The following IQGAP1 variants were observed in gnomAD, a reference collection of about 807,000 sequenced individuals.
The protein encoded by IQGAP1 is ras GTPase-activating-like protein IQGAP1.
A neutral mutation model predicts 215.6 loss-of-function variants in IQGAP1; 66 were observed. The ratio of observed to expected loss-of-function variants is 0.31; its 90% confidence interval spans 0.25 to 0.38. The LOEUF (loss-of-function observed/expected upper bound fraction) is 0.38, where lower values mean the gene tolerates loss of function less well. Ranked by LOEUF, IQGAP1 falls within the 10% of genes least tolerant of loss-of-function variation. IQGAP1 has a pLI of 1.00. For synonymous variants in IQGAP1, 772 were observed against 728.7 expected (o/e 1.06, Z -0.96); for missense variants, 1,712 against 1,997.1 (o/e 0.86, Z 2.72).
chr15:90,394,994 G>T (rs1345332604), intron 2 of IQGAP1, among the ~76,000 whole-genome samples: 1 of 152,142 alleles, frequency 6.6e-6, no homozygotes, highest in Non-Finnish European at 1.5e-5. Context: ...AGTTTTCTGT[G>T]GCTGTGGGTT....
intron 33 of IQGAP1, among the ~76,000 whole-genome samples, 190 bp downstream of exon 33, chr15:90,487,772 T>G (rs1179981323): frequency 1.3e-5 from 2 of 152,162 alleles, no homozygotes; most frequent in African/African-American, 2.4e-5. Flanking sequence ...GGTGATGTCC[T>G]TTGGACAGGA....
chr15:90,396,858 T>TC (rs1441967883), intron 2 of IQGAP1, among the ~76,000 whole-genome samples: 1 of 151,888 alleles, frequency 6.6e-6, no homozygotes, highest in Non-Finnish European at 1.5e-5. Context: ...AAAAAAAATT[T>TC]TTTTTTTTTT....
intron 2 of IQGAP1, among the ~76,000 whole-genome samples, chr15:90,411,194 G>C (rs1400669024): frequency 6.6e-6 from 1 of 152,170 alleles, no homozygotes; most frequent in African/African-American, 2.4e-5. Context: ...CCTCTCTCAT[G>C]TATCTTTATT....
intron 33 of IQGAP1, 124 bp downstream of exon 33, chr15:90,487,706 C>T (rs913731730): frequency 1.5e-6 from 1 of 668,566 alleles, no homozygotes; most frequent in Non-Finnish European, 2.6e-6. Flanking sequence ...ATGAATGTAA[C>T]TGGGGGACAG....
intron 33 of IQGAP1, among the ~76,000 whole-genome samples, chr15:90,489,727 T>C (rs139348069): frequency 5.9e-5 from 9 of 152,304 alleles, no homozygotes; most frequent in African/African-American, 2.2e-4. Flanking sequence ...ACTGATTAGA[T>C]ATGTGTGAAA....
At chr15:90,460,009 G>A (rs1721650800) in intron 15 of IQGAP1, among the ~76,000 whole-genome samples, 2 of 150,812 alleles carry the variant, frequency 1.3e-5, no homozygotes, top group Admixed American at 6.6e-5. Flanking sequence ...GTGGTCCGGA[G>A]TTTTTTGTGT....
rs1438338104 is a variant in IQGAP1 at position 90,487,010 on chromosome 15, G to A, written c.4081G>A (p.Val1361Met). Residue 1361 changes from valine (V) to methionine (M), a missense_variant, in exon 32 of 38, where the codon GTG (valine) becomes ATG (methionine). Coordinates refer to ENST00000268182, the MANE Select transcript of IQGAP1 (RefSeq NM_003870.4). ...PNKEALAKTE[V>M]SLTLTNKFDV... ...TAAGGAGGCACTGGCTAAGACGGAAGTGTCTCTCACCCTGACCAACAAGTT... is the reference window on the plus strand; with the variant it reads ...TAAGGAGGCACTGGCTAAGACGGAAATGTCTCTCACCCTGACCAACAAGTT... 5.0e-6 allele frequency: 8 copies of A among 1,614,008 alleles called. No homozygotes were observed. The highest frequency in any genetic ancestry group is 6.8e-6 in the Non-Finnish European group (8 of 1,179,996).
chr15:90,490,412 G>A (rs2151038824), intron 33 of IQGAP1, among the ~76,000 whole-genome samples: 1 of 152,328 alleles, frequency 6.6e-6, no homozygotes, highest in South Asian at 2.1e-4. Flanking sequence ...ACGAAACAGT[G>A]AGTGTAGATC....
intron 18 of IQGAP1, among the ~76,000 whole-genome samples, chr15:90,468,796 A>G (rs1965866755): frequency 6.6e-6 from 1 of 152,114 alleles, no homozygotes; most frequent in African/African-American, 2.4e-5. Context: ...ACAGCAGTGC[A>G]CTCCAGCCTG....
chr15:90,462,672 T>A (rs184270567), intron 15 of IQGAP1, among the ~76,000 whole-genome samples: 17 of 152,334 alleles, frequency 1.1e-4, no homozygotes, highest in Admixed American at 8.5e-4. Flanking sequence ...TATATACATG[T>A]ACATAACATA....
rs558184533 is a variant in IQGAP1 at position 90,401,026 on chromosome 15, C to T, written c.155+10153C>T. ...GCGCTGGTAGGCAAAGTGAGAACAT[C>T]CGGAAGTGATTCATATTACTGTGGT... On this transcript the variant is annotated intron_variant, in intron 2 of 37. Transcript: ENST00000268182. Among the ~76,000 whole-genome samples, 17 of 152,280 alleles carry T rather than the reference C, an allele frequency of 1.1e-4. No homozygotes were observed. In the South Asian group the frequency reaches 3.1e-3, roughly 28 times the overall value.
intron 15 of IQGAP1, among the ~76,000 whole-genome samples, chr15:90,461,983 C>CAAAAAAAAA (rs1365772796): frequency 3.5e-5 from 3 of 85,706 alleles, no homozygotes; most frequent in Non-Finnish European, 7.7e-5. Context: ...ACTAAAAACA[C>CAAAAAAAAA]AAAAAAAAAA....
chr15:90,399,430 T>C (rs992059678), intron 2 of IQGAP1, among the ~76,000 whole-genome samples: 4 of 152,228 alleles, frequency 2.6e-5, no homozygotes, highest in East Asian at 1.9e-4. Context: ...GCCTGGCTTC[T>C]AGGGTCATGA....
intron 2 of IQGAP1, among the ~76,000 whole-genome samples, chr15:90,422,000 T>C (rs1351960618): frequency 6.6e-6 from 1 of 152,222 alleles, no homozygotes; most frequent in Non-Finnish European, 1.5e-5. Flanking sequence ...TGTGTCTAAG[T>C]TGAGAATCAC....
intron 18 of IQGAP1, among the ~76,000 whole-genome samples, chr15:90,472,528 A>G (rs1199930316): frequency 6.6e-6 from 1 of 152,086 alleles, no homozygotes; most frequent in East Asian, 1.9e-4. Context: ...TCTTGTCTAC[A>G]GTGACCCCAG....
rs552369475 is a variant in IQGAP1 at position 90,394,162 on chromosome 15, G to A, written c.155+3289G>A. 1.2e-3 allele frequency among the ~76,000 whole-genome samples: 130 copies of A among 104,416 alleles called. 1 individual carries two copies. Among genetic ancestry groups the A allele is most frequent in the African/African-American group, 3.7e-3 (123 of 33,224 alleles). The allele number at this position is 104,416 out of a possible 152,430, so 68.5% of individuals were successfully genotyped here. Reference sequence around the variant, plus strand: ...AAAAAAAAAAAAAAAAAAAAAGGCAGTGGAGACATTTGTGATGATCTTCAG... The same window carrying A: ...AAAAAAAAAAAAAAAAAAAAAGGCAATGGAGACATTTGTGATGATCTTCAG... On this transcript the variant is annotated intron_variant, in intron 2 of 37. Coordinates refer to ENST00000268182, the MANE Select transcript of IQGAP1 (RefSeq NM_003870.4).
At chr15:90,389,252 T>C (rs537128476) in intron 1 of IQGAP1, among the ~76,000 whole-genome samples, 142 of 151,492 alleles carry the variant, frequency 9.4e-4, no homozygotes, top group Non-Finnish European at 1.6e-3. Context: ...GGTGCAATAA[T>C]GATAAAAGAT....
At chr15:90,486,628 A>T in intron 31 of IQGAP1, 1 of 242,812 alleles carries the variant, frequency 4.1e-6, no homozygotes, top group Non-Finnish European at 8.0e-6. Flanking sequence ...TCCTGGCCTC[A>T]AGCCATCCTC....
At chr15:90,412,667 C>G (rs1352663475) in intron 2 of IQGAP1, among the ~76,000 whole-genome samples, 1 of 152,178 alleles carries the variant, frequency 6.6e-6, no homozygotes, top group Non-Finnish European at 1.5e-5. Context: ...ATGGAAATTT[C>G]TAGGCTGTTT....
Sources: gnomAD v4.1 joint callset for allele counts (sites outside exome capture counted in the v4.1 genomes callset) on GRCh38, gnomAD v4.1.1 for gene constraint, MANE v1.5 for transcripts, NCBI Gene and HGNC (gene_info 2026-07-23, HGNC 2026-07-21) for gene names.